Variants in TBL1X observed in about 807,000 individuals in gnomAD.
The protein encoded by TBL1X is transducin beta like 1 X-linked.
In TBL1X, 10 loss-of-function variants were observed where a neutral mutation model predicts 50.7. That is an observed-to-expected ratio of 0.20 (90% CI 0.12 to 0.33). The LOEUF (loss-of-function observed/expected upper bound fraction) is 0.33, where lower values mean the gene tolerates loss of function less well. Among genes scored for constraint, TBL1X ranks in the 10% least tolerant of loss-of-function variants. The pLI, the probability that TBL1X is intolerant of heterozygous loss-of-function variation, is 1.00. For synonymous variants in TBL1X, 190 were observed against 214.7 expected, an observed-to-expected ratio of 0.88 and a Z score of 1.01; for missense variants, 340 against 504.4, an observed-to-expected ratio of 0.67 and a Z score of 3.12.
At chrX:9,665,299 C>T (rs2082920793) in intron 5 of TBL1X, among the ~76,000 whole-genome samples, 1 of 102,949 alleles carries the variant, frequency 9.7e-6, no homozygotes, top group East Asian at 3.2e-4. Flanking sequence ...TGGCTTGGCT[C>T]CTGGTGAGTA....
chrX:9,532,871 G>A (rs2238850), intron 2 of TBL1X, among the ~76,000 whole-genome samples: 29,714 of 110,123 alleles, frequency 0.27, 2,921 homozygotes, highest in East Asian at 0.5. Flanking sequence ...CTGAGGTCCT[G>A]GGGCTTAAGG....
rs1315713090 is a variant in TBL1X, at chrX:9,717,191, G to T, written c.*945G>T. 30 of 99,870 alleles carry T rather than the reference G, an allele frequency of 3.0e-4. No homozygotes were observed. The highest frequency in any genetic ancestry group is 1.0e-3 in the African/African-American group (30 of 28,654). The allele number at this position is 99,870 out of a possible 1,213,427, so 8.2% of individuals were successfully genotyped here. On this transcript the variant is annotated 3_prime_UTR_variant, in exon 18 of 18. Coordinates refer to ENST00000645353, the MANE Select transcript of TBL1X (RefSeq NM_005647.4). ...CTTTATGTAAGAAGGCAGGGCAGGGGGGCTTTTTACAGGAGAAAAAAAAAT... is the reference window on the plus strand; with the variant it reads ...CTTTATGTAAGAAGGCAGGGCAGGGTGGCTTTTTACAGGAGAAAAAAAAAT...
intron 2 of TBL1X, among the ~76,000 whole-genome samples, chrX:9,540,485 T>G (rs754508925): frequency 5.3e-5 from 6 of 112,441 alleles, no homozygotes; most frequent in Non-Finnish European, 1.1e-4. Flanking sequence ...AGATGAAGTC[T>G]TCTTGCCCTG....
intron 11 of TBL1X, among the ~76,000 whole-genome samples, chrX:9,694,614 GACAAAACAAT>G (rs1414126372): frequency 3.6e-5 from 4 of 110,586 alleles, no homozygotes; most frequent in African/African-American, 1.3e-4. Flanking sequence ...AACAAAACAA[GACAAAACAAT>G]ACAAAACAAA....
intron 2 of TBL1X, among the ~76,000 whole-genome samples, chrX:9,523,639 C>T (rs906217119): frequency 3.6e-5 from 4 of 112,484 alleles, no homozygotes; most frequent in Admixed American, 9.4e-5. Context: ...GAGACTTCAG[C>T]GAGGCGCCCC....
At position 9,718,656 on chromosome X, in the gene TBL1X, G is replaced by C. The variant is rs1305909404; in HGVS notation, c.*2410G>C. 8.9e-6 allele frequency: 1 copy of C among 112,181 alleles called. No individual in the cohort carries two copies. The highest frequency in any genetic ancestry group is 3.2e-5 in the African/African-American group (1 of 30,861). The allele number at this position is 112,181 out of a possible 1,213,427, so 9.2% of individuals were successfully genotyped here. On this transcript the variant is annotated 3_prime_UTR_variant, in exon 18 of 18. Coordinates refer to ENST00000645353, the MANE Select transcript of TBL1X (RefSeq NM_005647.4). ...TGTCGTTAGGGCATGGCTTATGCTT[G>C]ACAAACCAGTAACAACTGTGGGATG...
chrX:9,585,325 G>GCCC (rs1361615801), intron 2 of TBL1X, among the ~76,000 whole-genome samples: 5 of 78,648 alleles, frequency 6.4e-5, no homozygotes, highest in African/African-American at 1.7e-4. Flanking sequence ...AGAGCTCCAT[G>GCCC]CCACCCCCCT....
chrX:9,554,878 C>T (rs1279871812), intron 2 of TBL1X, among the ~76,000 whole-genome samples: 1 of 111,466 alleles, frequency 9.0e-6, no homozygotes, highest in Non-Finnish European at 1.9e-5. Flanking sequence ...CTCCAGGAAG[C>T]GTCCCTGTAA....
chrX:9,464,019 T>C (rs4830643), upstream of TBL1X, among the ~76,000 whole-genome samples: 54,050 of 111,015 alleles, frequency 0.49, 9,657 homozygotes, highest in East Asian at 0.7. Flanking sequence ...TTGCTGAGTG[T>C]ACCGGGCTCT....
At chrX:9,682,621 T>A (rs2083032125) in intron 5 of TBL1X, among the ~76,000 whole-genome samples, 1 of 111,397 alleles carries the variant, frequency 9.0e-6, no homozygotes, top group African/African-American at 3.3e-5. Context: ...GGTGAGCGTT[T>A]TGTTTATTGC....
intron 1 of TBL1X, among the ~76,000 whole-genome samples, chrX:9,469,834 A>T (rs1162114278): frequency 9.0e-6 from 1 of 111,538 alleles, no homozygotes; most frequent in Admixed American, 9.5e-5. Context: ...AGTCTTGGGG[A>T]TCCCATCTGA....
intron 1 of TBL1X, among the ~76,000 whole-genome samples, chrX:9,498,877 C>G (rs2081986266): frequency 8.9e-6 from 1 of 112,246 alleles, no homozygotes; most frequent in Non-Finnish European, 1.9e-5. Flanking sequence ...AATGATGAGA[C>G]AGAGGAGGCT....
At chrX:9,577,640 A>G (rs2082419164) in intron 2 of TBL1X, among the ~76,000 whole-genome samples, 2 of 111,931 alleles carry the variant, frequency 1.8e-5, no homozygotes, top group African/African-American at 6.5e-5. Context: ...ATAACAAGGA[A>G]TCATCTAGCC....
chrX:9,587,301 C>T (rs2082475358), intron 2 of TBL1X, among the ~76,000 whole-genome samples: 1 of 112,104 alleles, frequency 8.9e-6, no homozygotes, highest in Non-Finnish European at 1.9e-5. Flanking sequence ...AGGCCAGTGA[C>T]TTCCATGAAA....
At chrX:9,712,759 TG>T (rs750131356) in intron 16 of TBL1X, among the ~76,000 whole-genome samples, 1 of 112,008 alleles carries the variant, frequency 8.9e-6, no homozygotes, top group African/African-American at 3.2e-5. Flanking sequence ...GTGGGTATCT[TG>T]GGCCACACCT....
intron 1 of TBL1X, among the ~76,000 whole-genome samples, chrX:9,494,135 G>A (rs908694976): frequency 4.5e-5 from 5 of 111,703 alleles, no homozygotes; most frequent in Non-Finnish European, 7.5e-5. Flanking sequence ...TGGCTACAGC[G>A]TTGTCTTTGG....
In TBL1X at chrX:9,548,230, TTTGAG is replaced by T. The variant is rs764415313; in HGVS notation, c.-131+46384_-131+46388del. Among the ~76,000 whole-genome samples the T allele has an allele frequency of 3.7e-4, 41 of 111,142 alleles. 1 individual carries two copies. The highest frequency in any genetic ancestry group is 1.4e-3 in the East Asian group (5 of 3,538). On this transcript the variant is annotated intron_variant, in intron 2 of 17. Transcript: ENST00000645353. The stretch of plus-strand genomic sequence containing the variant: ...TTTAAGATATGCATATTTTATCCTC[TTTGAG>T]TTAAGTATTTTTCAAATATAGAAAA...
At chrX:9,614,423 G>T (rs2082629691) in intron 2 of TBL1X, among the ~76,000 whole-genome samples, 1 of 111,399 alleles carries the variant, frequency 9.0e-6, no homozygotes. Flanking sequence ...TTAGCCGGAT[G>T]TGTTGATGCA....
intron 2 of TBL1X, among the ~76,000 whole-genome samples, chrX:9,623,331 C>G (rs1228060653): frequency 1.8e-5 from 2 of 111,979 alleles, no homozygotes; most frequent in Admixed American, 1.9e-4. Flanking sequence ...TACCCATTGT[C>G]TGTTGTCTAT....
Sources: gnomAD v4.1 joint callset for allele counts (sites outside exome capture counted in the v4.1 genomes callset) on GRCh38, gnomAD v4.1.1 for gene constraint, MANE v1.5 for transcripts, NCBI Gene and HGNC (gene_info 2026-07-23, HGNC 2026-07-21) for gene names.